LRBA: variants seen among roughly 807,000 people sequenced by gnomAD.
The protein encoded by LRBA is lipopolysaccharide-responsive and beige-like anchor protein.
A neutral mutation model predicts 330.0 loss-of-function variants in LRBA; 176 were observed. The ratio of observed to expected loss-of-function variants is 0.53; its 90% CI spans 0.47 to 0.60. LRBA has a LOEUF of 0.60. Ranked by LOEUF, LRBA falls within the 20% of genes least tolerant of loss-of-function variation. The pLI is 0.00. For synonymous variants in LRBA, 1,230 were observed against 1,193.0 expected (o/e 1.03, Z -0.64); for missense variants, 3,259 against 3,444.8 (o/e 0.95, Z 1.35).
At chr4:150,733,571 C>CTA (rs1463852796) in intron 36 of LRBA, among the ~76,000 whole-genome samples, 1 of 53,232 alleles carries the variant, frequency 1.9e-5, no homozygotes, top group Non-Finnish European at 9.6e-5. Flanking sequence ...CTCTCTCTCT[C>CTA]TCTCTCACAC....
At chr4:150,995,230 G>C (rs1279127631) in intron 2 of LRBA, among the ~76,000 whole-genome samples, 2 of 152,006 alleles carry the variant, frequency 1.3e-5, no homozygotes, top group African/African-American at 2.4e-5. Context: ...GAAGAGACTA[G>C]AGCATGACAG....
intron 40 of LRBA, among the ~76,000 whole-genome samples, chr4:150,535,299 A>G (rs1182899099): frequency 6.6e-6 from 1 of 151,894 alleles, no homozygotes; most frequent in Admixed American, 6.6e-5. Flanking sequence ...ATGCTTGGCT[A>G]ATTTTTTTCT....
chr4:150,853,997 T>C (rs958649419), intron 22 of LRBA, among the ~76,000 whole-genome samples: 4 of 152,082 alleles, frequency 2.6e-5, no homozygotes, highest in Non-Finnish European at 5.9e-5. Context: ...GAAAAGCTGA[T>C]TTTTTTATCC....
chr4:150,414,651 C>T (rs536034866), intron 47 of LRBA, among the ~76,000 whole-genome samples: 20 of 152,076 alleles, frequency 1.3e-4, no homozygotes, highest in East Asian at 1.9e-4. Flanking sequence ...CCACCACATC[C>T]GGCTAATTTT....
chr4:150,398,446 T>C (rs1024542268), intron 47 of LRBA, among the ~76,000 whole-genome samples: 5 of 152,160 alleles, frequency 3.3e-5, no homozygotes, highest in African/African-American at 1.2e-4. Context: ...AGAACAATTA[T>C]TTTGCTTTTA....
intron 36 of LRBA, among the ~76,000 whole-genome samples, chr4:150,695,634 C>A (rs977845335): frequency 6.6e-6 from 1 of 152,052 alleles, no homozygotes; most frequent in African/African-American, 2.4e-5. Flanking sequence ...AATTTTTGAT[C>A]TGCAGTTAGT....
chr4:150,287,234 C>T (rs1046794183), intron 53 of LRBA, among the ~76,000 whole-genome samples: 15 of 152,190 alleles, frequency 9.9e-5, no homozygotes, highest in African/African-American at 3.6e-4. Flanking sequence ...AGTCCAGCAG[C>T]TCAGGGGAAA....
chr4:150,458,233 G>A (rs1333875972), intron 44 of LRBA, among the ~76,000 whole-genome samples: 1 of 151,560 alleles, frequency 6.6e-6, no homozygotes, highest in East Asian at 1.9e-4. Context: ...CAAAATAAAT[G>A]GACTAATTCT....
At chr4:150,808,515 T>C (rs937065429) in intron 31 of LRBA, 117 bp from the exon 32 acceptor site, 20 of 608,046 alleles carry the variant, frequency 3.3e-5, no homozygotes, top group Non-Finnish European at 5.2e-5. Flanking sequence ...TTTATGTCCA[T>C]TACTATTTGG....
chr4:150,761,433 T>C (rs975088210), intron 35 of LRBA, among the ~76,000 whole-genome samples: 3 of 152,084 alleles, frequency 2.0e-5, no homozygotes, highest in Non-Finnish European at 2.9e-5. Flanking sequence ...AAAGATAATA[T>C]AGACATCTAA....
chr4:150,971,598 T>C (rs571576514), intron 2 of LRBA, among the ~76,000 whole-genome samples: 2 of 152,282 alleles, frequency 1.3e-5, no homozygotes, highest in East Asian at 3.9e-4. Context: ...AAATCTATAG[T>C]GAAATAAAGT....
At chr4:150,424,275 T>C (rs535117414) in intron 46 of LRBA, among the ~76,000 whole-genome samples, 55 of 152,266 alleles carry the variant, frequency 3.6e-4, no homozygotes, top group African/African-American at 1.3e-3. Context: ...TCTTGAAAAT[T>C]GCAACTTTAT....
intron 37 of LRBA, among the ~76,000 whole-genome samples, chr4:150,633,960 C>A (rs1187208740): frequency 1.3e-5 from 2 of 152,064 alleles, no homozygotes; most frequent in Admixed American, 1.3e-4. Flanking sequence ...ACTAAAAATA[C>A]AAAAATTAGT....
chr4:150,868,614 C>T (rs1459254117), intron 20 of LRBA, among the ~76,000 whole-genome samples: 3 of 152,106 alleles, frequency 2.0e-5, no homozygotes, highest in African/African-American at 7.2e-5. Context: ...CTTACTCTCT[C>T]TGAGATATAC....
At chr4:150,500,665 A>G (rs1200763458) in intron 40 of LRBA, among the ~76,000 whole-genome samples, 2 of 152,244 alleles carry the variant, frequency 1.3e-5, no homozygotes, top group Non-Finnish European at 2.9e-5. Context: ...TTACTGATAG[A>G]CTATTCTGTG....
At chr4:150,991,432 C>CA (rs1742071374) in intron 2 of LRBA, among the ~76,000 whole-genome samples, 1 of 152,136 alleles carries the variant, frequency 6.6e-6, no homozygotes, top group Non-Finnish European at 1.5e-5. Context: ...ACTGGATAAA[C>CA]AAATTGTAAT....
chr4:150,676,758 T>C (rs940471235), intron 37 of LRBA, among the ~76,000 whole-genome samples: 1 of 152,188 alleles, frequency 6.6e-6, no homozygotes, highest in Admixed American at 6.5e-5. Context: ...TGAAAATTTC[T>C]GGTTATAGCA....
chr4:150,391,969 C>G (rs1171778316), intron 47 of LRBA, among the ~76,000 whole-genome samples: 1 of 48,300 alleles, frequency 2.1e-5, no homozygotes, highest in Admixed American at 3.1e-4. Context: ...CTCTGTTACT[C>G]TTTAAAAAAA....
intron 36 of LRBA, among the ~76,000 whole-genome samples, chr4:150,714,360 G>A (rs1443517865): frequency 6.6e-6 from 1 of 151,986 alleles, no homozygotes; most frequent in Non-Finnish European, 1.5e-5. Flanking sequence ...ATTAATATGG[G>A]AAGTAAATTT....
Sources: gnomAD v4.1 joint callset for allele counts (sites outside exome capture counted in the v4.1 genomes callset) on GRCh38, gnomAD v4.1.1 for gene constraint, MANE v1.5 for transcripts, NCBI Gene and HGNC (gene_info 2026-07-23, HGNC 2026-07-21) for gene names.